Variants in SLC43A3 observed in about 807,000 individuals in gnomAD.
SLC43A3 encodes the protein solute carrier family 43 member 3.
In SLC43A3, 33 loss-of-function variants were observed where a neutral mutation model predicts 53.3. That is an observed-to-expected ratio of 0.62 (90% CI 0.47 to 0.83). SLC43A3 has a LOEUF of 0.83. SLC43A3 is among the 40% of genes least tolerant of loss of function. The pLI is 0.00. For synonymous variants in SLC43A3, 236 were observed against 246.2 expected, an observed-to-expected ratio of 0.96 and a Z score of 0.39; for missense variants, 530 against 610.0, an observed-to-expected ratio of 0.87 and a Z score of 1.38.
chr11:57,410,685 TAA>T (rs1196181159), intron 11 of SLC43A3, among the ~76,000 whole-genome samples: 1 of 151,944 alleles, frequency 6.6e-6, no homozygotes, highest in Non-Finnish European at 1.5e-5. Flanking sequence ...ACCTTTTATC[TAA>T]AAGAGAGGGA....
At chr11:57,409,384 C>G in intron 12 of SLC43A3, 86 bp from the exon 13 acceptor site, 1 of 1,510,356 alleles carries the variant, frequency 6.6e-7, no homozygotes, top group South Asian at 1.2e-5. Context: ...CTGTCGGCCG[C>G]TTGTCCCCAG....
In SLC43A3 at chr11:57,417,734, CA is replaced by C. The variant is rs773158256; in HGVS notation, c.671+13del. 10 of 1,613,902 alleles carry C rather than the reference CA, an allele frequency of 6.2e-6. No individual in the cohort carries two copies. The Admixed American group carries it at 1.7e-4, about 27-fold the overall frequency. On this transcript the variant is annotated intron_variant, in intron 8 of 13. Transcript: ENST00000395124. ...ATGAGGGGCTCTGGCCCACAATCAC[CA>C]GATAGTCCTTACCCATAGCTGTAGT...
intron 11 of SLC43A3, among the ~76,000 whole-genome samples, chr11:57,414,016 C>G (rs1590686251): frequency 6.6e-6 from 1 of 152,222 alleles, no homozygotes; most frequent in African/African-American, 2.4e-5. Context: ...CCCATGGCCC[C>G]CTGTGGGTTT....
intron 5 of SLC43A3, 71 bp from the exon 6 acceptor site, chr11:57,421,444 C>A: frequency 9.1e-7 from 1 of 1,097,248 alleles, no homozygotes; most frequent in Admixed American, 2.0e-5. Flanking sequence ...AACTCTGCTC[C>A]CACCTGCTCC....
In SLC43A3 at chr11:57,425,638, T is replaced by C. The variant is rs1288859385; in HGVS notation, c.217A>G (p.Ile73Val). The change falls in exon 4 of 14, where the codon ATC becomes GTC. Residue 73 changes from isoleucine to valine, a missense_variant. Coordinates refer to ENST00000395124, the MANE Select transcript of SLC43A3 (RefSeq NM_199329.3). Reference protein sequence around the residue: ...CKAQDERFSLIFTLGSFMNNF... With the variant: ...CKAQDERFSLVFTLGSFMNNF... Reference sequence around the variant, plus strand: ...TTCATGAAGGACCCCAGGGTGAAGATGAGTGAGAACCTCTCATCCTGGGCT... The same window carrying C: ...TTCATGAAGGACCCCAGGGTGAAGACGAGTGAGAACCTCTCATCCTGGGCT... The C allele has an allele frequency of 2.5e-6, 4 of 1,614,106 alleles. No individual in the cohort carries two copies. In the South Asian group the frequency reaches 3.3e-5, roughly 13 times the overall value.
chr11:57,415,855 A>C (rs1942695545), intron 9 of SLC43A3, among the ~76,000 whole-genome samples: 2 of 152,374 alleles, frequency 1.3e-5, no homozygotes, highest in Admixed American at 1.3e-4. Flanking sequence ...TTTAAGATAT[A>C]CAATATGAGG....
intron 7 of SLC43A3, among the ~76,000 whole-genome samples, chr11:57,418,315 T>C (rs1471880291): frequency 2.0e-5 from 3 of 149,332 alleles, no homozygotes; most frequent in Non-Finnish European, 3.0e-5. Flanking sequence ...GCCTGGACAA[T>C]GAAACATGAC....
At chr11:57,414,492 G>A (rs1235527533) in intron 11 of SLC43A3, 123 bp downstream of exon 11, 16 of 582,882 alleles carry the variant, frequency 2.7e-5, no homozygotes, top group African/African-American at 7.7e-5. Context: ...GGGCAACAGA[G>A]TAAGACTCTA....
chr11:57,427,490 A>AT (rs1470219085), upstream of SLC43A3: 1 of 152,212 alleles, frequency 6.6e-6, no homozygotes, highest in Non-Finnish European at 1.5e-5. Context: ...CTATTTGTGC[A>AT]TTTTGCCTTG....
In SLC43A3 at chr11:57,426,147, T is replaced by TGCAGGG. The variant is rs1943191670; in HGVS notation, c.20_25dup (p.Pro7_Leu8dup). 3.1e-6 allele frequency: 5 copies of TGCAGGG among 1,614,020 alleles called. No individual in the cohort carries two copies. The highest frequency in any genetic ancestry group is 4.2e-6 in the Non-Finnish European group (5 of 1,179,986). On this transcript the variant is annotated inframe_insertion, in exon 3 of 14. Transcript: ENST00000395124. Reference sequence around the variant, plus strand: ...CAGCCCAGTCAGCAGTGTGGCCACGTGCAGGGGCAGGCCCTGGCCCGCCAT... The same window carrying TGCAGGG: ...CAGCCCAGTCAGCAGTGTGGCCACGTGCAGGGGCAGGGGCAGGCCCTGGCCCGCCAT...
At chr11:57,414,560 T>C (rs1252900127) in intron 11 of SLC43A3, 55 bp downstream of exon 11, 7 of 795,916 alleles carry the variant, frequency 8.8e-6, no homozygotes, top group Non-Finnish European at 1.5e-5. Context: ...ATGGGGTAAA[T>C]GAAGACCTCC....
At chr11:57,420,759 G>A (rs754624753) in intron 7 of SLC43A3, among the ~76,000 whole-genome samples, 4 of 152,226 alleles carry the variant, frequency 2.6e-5, no homozygotes, top group Admixed American at 6.5e-5. Context: ...CTCTAGAACC[G>A]ACAAGCCTGG....
chr11:57,415,010 A>G lies in SLC43A3; in HGVS notation c.866T>C (p.Ile289Thr), dbSNP rs375364109. The G allele has an allele frequency of 1.4e-5, 23 of 1,614,074 alleles. No homozygotes were observed. In the Middle Eastern group the frequency reaches 6.6e-4, roughly 46 times the overall value. ...FAWHLVWLSV[I>T]QLWHYLFIGT... Reference sequence around the variant, plus strand: ...AATGAAGAGGTAGTGCCACAACTGTATCACAGACAGCCACACCAGGTGCCA... The same window carrying G: ...AATGAAGAGGTAGTGCCACAACTGTGTCACAGACAGCCACACCAGGTGCCA... Residue 289 changes from isoleucine to threonine, a missense_variant, in exon 10 of 14, where the codon ATA (isoleucine) becomes ACA (threonine). Ile to Thr is a moderately conservative substitution (Grantham distance 89). Transcript: ENST00000395124.
chr11:57,414,348 A>C (rs562146591), intron 11 of SLC43A3, among the ~76,000 whole-genome samples: 35 of 152,176 alleles, frequency 2.3e-4, no homozygotes, highest in African/African-American at 7.9e-4. Context: ...CTCTACTAAA[A>C]AGACAAAAAT....
intron 4 of SLC43A3, among the ~76,000 whole-genome samples, chr11:57,424,865 GTATCA>G (rs1943140941): frequency 1.3e-5 from 2 of 152,334 alleles, no homozygotes; most frequent in South Asian, 4.1e-4. Context: ...GCTCTGAGCT[GTATCA>G]GCCCCCAGCA....
chr11:57,422,899 G>C (rs973027440), intron 5 of SLC43A3, among the ~76,000 whole-genome samples: 1 of 152,234 alleles, frequency 6.6e-6, no homozygotes, highest in East Asian at 1.9e-4. Flanking sequence ...AAGACACTCA[G>C]CCTCTGTGTT....
chr11:57,421,137 G>T, intron 6 of SLC43A3, 73 bp from the exon 7 acceptor site: 1 of 1,310,404 alleles, frequency 7.6e-7, no homozygotes, highest in Non-Finnish European at 1.1e-6. Flanking sequence ...CCCAGCATGT[G>T]GCAGACCCTC....
At chr11:57,415,514 A>T in intron 9 of SLC43A3, 1 of 710,250 alleles carries the variant, frequency 1.4e-6, no homozygotes, top group Admixed American at 2.7e-5. Context: ...CTTTCTTTTG[A>T]TACCAGTATC....
chr11:57,415,198 C>A, intron 9 of SLC43A3, 92 bp from the exon 10 acceptor site: 1 of 1,566,908 alleles, frequency 6.4e-7, no homozygotes, highest in Non-Finnish European at 8.6e-7. Context: ...CATTTCAGAT[C>A]CGGGCCCACC....
Sources: gnomAD v4.1 joint callset for allele counts (sites outside exome capture counted in the v4.1 genomes callset) on GRCh38, gnomAD v4.1.1 for gene constraint, MANE v1.5 for transcripts, NCBI Gene and HGNC (gene_info 2026-07-23, HGNC 2026-07-21) for gene names.